The following ITGA8 variants were observed in gnomAD, a reference collection of about 807,000 sequenced individuals.
ITGA8 encodes the protein integrin subunit alpha 8, also known as integrin alpha-8.
In ITGA8, 91 loss-of-function variants were observed where a neutral mutation model predicts 142.3. That is an observed-to-expected ratio of 0.64 (90% CI 0.54 to 0.76). ITGA8 has a LOEUF of 0.76. Ranked by LOEUF, ITGA8 falls within the 30% of genes least tolerant of loss-of-function variation. ITGA8 has a pLI of 0.00. For synonymous variants in ITGA8, 505 were observed against 485.2 expected, an observed-to-expected ratio of 1.04 and a Z score of -0.54; for missense variants, 1,406 against 1,327.7, an observed-to-expected ratio of 1.06 and a Z score of -0.92.
chr10:15,605,798 T>C lies in ITGA8; in HGVS notation c.1903-7A>G. The C allele has an allele frequency of 2.5e-6, 4 of 1,612,864 alleles. No individual in the cohort carries two copies. The highest frequency in any genetic ancestry group is 2.2e-5 in the East Asian group (1 of 44,842). On this transcript the variant is annotated splice_polypyrimidine_tract_variant and splice_region_variant and intron_variant, in intron 18 of 29. Coordinates refer to ENST00000378076, the MANE Select transcript of ITGA8 (RefSeq NM_003638.3). ...AGTCCACCAGAATGTGAGCCTGTGT[T>C]GTATAAACGCACGTCAGGAACAATC...
At chr10:15,548,109 T>TTTTTTTTTA (rs1218460957) in intron 27 of ITGA8, among the ~76,000 whole-genome samples, 1 of 152,094 alleles carries the variant, frequency 6.6e-6, no homozygotes, top group African/African-American at 2.4e-5. Flanking sequence ...TTTTTTTTTT[T>TTTTTTTTTA]GAGGCAGTGT....
intron 17 of ITGA8, 73 bp from the exon 18 acceptor site, chr10:15,606,495 G>A: frequency 9.2e-6 from 13 of 1,414,868 alleles, no homozygotes; most frequent in Non-Finnish European, 1.3e-5. Context: ...CAAAAGTCAG[G>A]CAACACTGGA....
chr10:15,689,676 G>C (rs1478310615), intron 2 of ITGA8, among the ~76,000 whole-genome samples: 2 of 152,164 alleles, frequency 1.3e-5, no homozygotes, highest in East Asian at 3.9e-4. Context: ...GCCACTGCTA[G>C]AGTGCATCCC....
At position 15,608,293 on chromosome 10, in the gene ITGA8, A is replaced by G. The variant is rs1833233936; in HGVS notation, c.1554-3T>C. Reference sequence around the variant, plus strand: ...ATGCACATACTCTTAAAGAAAAGCTATAGAAAATAGTAGTAATTTATTGGT... The same window carrying G: ...ATGCACATACTCTTAAAGAAAAGCTGTAGAAAATAGTAGTAATTTATTGGT... On this transcript the variant is annotated splice_polypyrimidine_tract_variant and splice_region_variant and intron_variant, in intron 15 of 29. Transcript: ENST00000378076. 3.8e-6 allele frequency: 6 copies of G among 1,577,756 alleles called. No homozygotes were observed. The highest frequency in any genetic ancestry group is 1.7e-4 in the Middle Eastern group (1 of 5,988).
rs369679335 is a variant in ITGA8 at position 15,527,487 on chromosome 10, A to G, written c.2982+3563T>C. ...CCTTGGTGAGCCAAAAAAGTGTTCA[A>G]ATAATTGAATTTCAGTTTCTTCTGT... On this transcript the variant is annotated intron_variant, in intron 28 of 29. Transcript: ENST00000378076. Among the ~76,000 whole-genome samples, 60 of 152,348 alleles carry G rather than the reference A, an allele frequency of 3.9e-4. 1 individual carries two copies. The highest frequency in any genetic ancestry group is 1.3e-3 in the African/African-American group (53 of 41,580).
Position 15,642,000 on chromosome 10 carries a change from C to T in ITGA8, c.1399+2030G>A, listed in dbSNP as rs142734206. Among the ~76,000 whole-genome samples, 583 of 152,204 alleles carry T rather than the reference C, an allele frequency of 3.8e-3. 3 individuals are homozygous for T. Among genetic ancestry groups the T allele is most frequent in the African/African-American group, 0.013 (528 of 41,524 alleles). ...AAAATGAGCTGAGTGTGGTGGCACA[C>T]GCCTGTAGTCCCAGCTACTTGGGAG... On this transcript the variant is annotated intron_variant, in intron 13 of 29. Coordinates refer to ENST00000378076, the MANE Select transcript of ITGA8 (RefSeq NM_003638.3).
intron 2 of ITGA8, among the ~76,000 whole-genome samples, chr10:15,694,355 A>G (rs1189563080): frequency 2.2e-5 from 3 of 133,914 alleles, no homozygotes; most frequent in African/African-American, 8.9e-5. Flanking sequence ...AATATATCAT[A>G]TATCAGATAA....
chr10:15,601,999 G>A (rs4748184), intron 20 of ITGA8, among the ~76,000 whole-genome samples: 115,727 of 152,128 alleles, frequency 0.76, 44,196 homozygotes, highest in South Asian at 0.88. Flanking sequence ...ATTTGAGATT[G>A]CAGATAATGT....
intron 28 of ITGA8, among the ~76,000 whole-genome samples, chr10:15,529,275 G>A (rs73598716): frequency 6.6e-6 from 1 of 152,072 alleles, no homozygotes; most frequent in Non-Finnish European, 1.5e-5. Context: ...ATTTTGAGAG[G>A]CTACTCTCAT....
At chr10:15,694,043 C>G (rs1834982905) in intron 2 of ITGA8, among the ~76,000 whole-genome samples, 1 of 148,738 alleles carries the variant, frequency 6.7e-6, no homozygotes, top group Non-Finnish European at 1.5e-5. Flanking sequence ...ACATGAAGGT[C>G]AATGGCTTTA....
chr10:15,696,171 C>G (rs549894272), intron 2 of ITGA8, among the ~76,000 whole-genome samples: 4 of 152,324 alleles, frequency 2.6e-5, no homozygotes, highest in Admixed American at 6.5e-5. Context: ...CCCCACAGAA[C>G]GCAAAAGGAC....
At chr10:15,559,664 C>G (rs1833941227) in intron 25 of ITGA8, among the ~76,000 whole-genome samples, 1 of 152,064 alleles carries the variant, frequency 6.6e-6, no homozygotes, top group South Asian at 2.1e-4. Context: ...TTTGTCATGT[C>G]CTTTGTAGGG....
intron 21 of ITGA8, chr10:15,596,440 C>T (rs1237356421): frequency 6.6e-6 from 1 of 152,174 alleles, no homozygotes; most frequent in African/African-American, 2.4e-5. Context: ...AAAAACTCCC[C>T]TCCTCCCAGC....
At chr10:15,584,086 A>G (rs556254353) in intron 23 of ITGA8, among the ~76,000 whole-genome samples, 43 of 152,096 alleles carry the variant, frequency 2.8e-4, no homozygotes, top group Admixed American at 8.5e-4. Context: ...CACCTGAGGT[A>G]CAGAGTTCGA....
At chr10:15,580,126 T>TAAAAAAAAAAAAAAAAAAAAA (rs35286236) in intron 23 of ITGA8, among the ~76,000 whole-genome samples, 1 of 108,900 alleles carries the variant, frequency 9.2e-6, no homozygotes, top group Non-Finnish European at 1.8e-5. Flanking sequence ...TCAGAAAATG[T>TAAAAAAAAAAAAAAAAAAAAA]AAAAAAAAAA....
chr10:15,566,715 A>G (rs1311694598), intron 25 of ITGA8, among the ~76,000 whole-genome samples: 1 of 151,200 alleles, frequency 6.6e-6, no homozygotes, highest in Non-Finnish European at 1.5e-5. Context: ...GGAGACTGAA[A>G]TGGGAGGATT....
intron 17 of ITGA8, among the ~76,000 whole-genome samples, chr10:15,606,707 C>G (rs542362847): frequency 6.6e-6 from 1 of 152,180 alleles, no homozygotes; most frequent in East Asian, 1.9e-4. Flanking sequence ...CAGAACTGGT[C>G]AAGTTGCAAA....
In ITGA8 at chr10:15,687,994, A is replaced by T; in HGVS notation, c.388T>A (p.Phe130Ile). Residue 130 changes from phenylalanine (F) to isoleucine (I), a missense_variant, in exon 3 of 30, where the codon TTC (phenylalanine) becomes ATC (isoleucine). Transcript: ENST00000378076. ...RVNGTKEPIE[F>I]KSNQWFGATV... ...GCTCCAAACCACTGATTGGATTTGA[A>T]CTCGATAGGTTCTTTGGTTCCATTA... The T allele has an allele frequency of 6.2e-7, 1 of 1,613,814 alleles. No individual in the cohort carries two copies. Among genetic ancestry groups the T allele is most frequent in the Non-Finnish European group, 8.5e-7 (1 of 1,179,718 alleles).
intron 14 of ITGA8, among the ~76,000 whole-genome samples, chr10:15,614,776 TG>T (rs1212584161): frequency 2.0e-5 from 3 of 152,090 alleles, no homozygotes; most frequent in Non-Finnish European, 2.9e-5. Context: ...GTGGGCCTGA[TG>T]GGATTCCTCC....
Sources: allele counts gnomAD v4.1 joint callset (sites outside exome capture counted in the v4.1 genomes callset), GRCh38; gene constraint gnomAD v4.1.1; transcripts MANE v1.5; gene names NCBI Gene and HGNC (gene_info 2026-07-23, HGNC 2026-07-21).